Variants in CNGB3 observed in about 807,000 individuals in gnomAD.
The protein encoded by CNGB3 is cyclic nucleotide gated channel subunit beta 3.
A neutral mutation model predicts 92.8 loss-of-function variants in CNGB3; 86 were observed. The ratio of observed to expected loss-of-function variants is 0.93; its 90% CI spans 0.78 to 1.11. The LOEUF (loss-of-function observed/expected upper bound fraction) is 1.11, where lower values mean the gene tolerates loss of function less well. CNGB3 is among the 50% of genes least tolerant of loss of function. CNGB3 has a pLI of 0.00. For missense variants in CNGB3, 1,026 were observed against 956.8 expected (o/e 1.07, Z -0.95); for synonymous variants, 333 against 332.7 (o/e 1.00, Z -0.01).
Position 86,644,703 on chromosome 8 carries a change from A to G in CNGB3, c.991-17T>C. The G allele has an allele frequency of 6.7e-7, 1 of 1,482,150 alleles. No individual in the cohort carries two copies. Among genetic ancestry groups the G allele is most frequent in the Non-Finnish European group, 9.1e-7 (1 of 1,103,152 alleles). The allele number at this position is 1,482,150 out of a possible 1,614,324, so 91.8% of individuals were successfully genotyped here. On this transcript the variant is annotated splice_polypyrimidine_tract_variant and intron_variant, in intron 8 of 17. Transcript: ENST00000320005. Reference sequence around the variant, plus strand: ...TGAAGTGTACTATATAGAAAAGCAAAAGAAATCCAAAAGCATGTTAGTCTT... The same window carrying G: ...TGAAGTGTACTATATAGAAAAGCAAGAGAAATCCAAAAGCATGTTAGTCTT...
chr8:86,580,190 C>CGGGGGGGGG (rs71275867), intron 15 of CNGB3, among the ~76,000 whole-genome samples: 3 of 45,102 alleles, frequency 6.7e-5, no homozygotes, highest in African/African-American at 2.1e-4. Flanking sequence ...GAGAATAGCA[C>CGGGGGGGGG]GGGGGGGGTG....
intron 6 of CNGB3, among the ~76,000 whole-genome samples, chr8:86,664,774 A>G (rs940440382): frequency 1.1e-4 from 17 of 152,202 alleles, no homozygotes; most frequent in African/African-American, 3.9e-4. Flanking sequence ...TGCCATATTC[A>G]TTAAAAAACA....
chr8:86,740,691 T>C (rs1182574285), intron 1 of CNGB3, among the ~76,000 whole-genome samples: 1 of 152,184 alleles, frequency 6.6e-6, no homozygotes, highest in Non-Finnish European at 1.5e-5. Flanking sequence ...TTGTGTTTCA[T>C]AGAAGCATTT....
chr8:86,735,471 A>G (rs1456157726), intron 2 of CNGB3, among the ~76,000 whole-genome samples: 1 of 152,178 alleles, frequency 6.6e-6, no homozygotes, highest in Non-Finnish European at 1.5e-5. Context: ...AAAGCAACAC[A>G]GTCAGTTGTC....
intron 3 of CNGB3, among the ~76,000 whole-genome samples, chr8:86,695,088 A>T (rs1260889412): frequency 6.6e-6 from 1 of 152,204 alleles, no homozygotes; most frequent in Non-Finnish European, 1.5e-5. Flanking sequence ...CGCGGTAAGG[A>T]GCTGGAGACC....
chr8:86,611,649 TA>T lies in CNGB3; in HGVS notation c.1600del (p.Tyr534MetfsTer5). ...GGATTTCAATCTTAGCAACATGTCATAAATCATCTGTGTATCACAACCCTAT... is the reference window on the plus strand; with the variant it reads ...GGATTTCAATCTTAGCAACATGTCATAATCATCTGTGTATCACAACCCTAT... Reference protein sequence around the residue: ...LFKGCDTQMIYDMLLRLKSVL... With the variant: ...LFKGCDTQMIXDMLLRLKSVL... On this transcript the variant is annotated frameshift_variant, in exon 14 of 18. Coordinates refer to ENST00000320005, the MANE Select transcript of CNGB3 (RefSeq NM_019098.5). LOFTEE classifies it high-confidence loss of function. 1 of 1,613,118 alleles carries T rather than the reference TA, an allele frequency of 6.2e-7. No homozygotes were observed. The highest frequency in any genetic ancestry group is 8.5e-7 in the Non-Finnish European group (1 of 1,179,252).
chr8:86,589,814 T>A (rs983785515), intron 15 of CNGB3, among the ~76,000 whole-genome samples: 3 of 152,088 alleles, frequency 2.0e-5, no homozygotes, highest in African/African-American at 7.2e-5. Flanking sequence ...ATGTATATTC[T>A]GTTGATTTGG....
At position 86,739,743 on chromosome 8, in the gene CNGB3, G is replaced by GA. The variant is rs752460731; in HGVS notation, c.130-8dup. The GA allele has an allele frequency of 1.9e-6, 3 of 1,610,580 alleles. No homozygotes were observed. Among genetic ancestry groups the GA allele is most frequent in the African/African-American group, 1.3e-5 (1 of 74,468 alleles). ...CTTCACCTTTGTTTTCTTCCTTTGA[G>GA]AAAAAACATAGAGATTGTATGTGAT... On this transcript the variant is annotated splice_region_variant and splice_polypyrimidine_tract_variant and intron_variant, in intron 1 of 17. Coordinates refer to ENST00000320005, the MANE Select transcript of CNGB3 (RefSeq NM_019098.5).
At chr8:86,644,325 A>T (rs1435584811) in intron 9 of CNGB3, among the ~76,000 whole-genome samples, 1 of 151,436 alleles carries the variant, frequency 6.6e-6, no homozygotes, top group African/African-American at 2.4e-5. Flanking sequence ...AATTATCATG[A>T]GAAAGGTTTA....
At chr8:86,722,307 A>T (rs1196326533) in intron 3 of CNGB3, among the ~76,000 whole-genome samples, 1 of 152,196 alleles carries the variant, frequency 6.6e-6, no homozygotes, top group Non-Finnish European at 1.5e-5. Context: ...GGCTGGACTG[A>T]GATAAAGTGC....
intron 3 of CNGB3, among the ~76,000 whole-genome samples, chr8:86,719,496 CAAAACACTGTTGAAAG>C (rs1398175380): frequency 1.3e-5 from 2 of 152,088 alleles, no homozygotes; most frequent in Non-Finnish European, 1.5e-5. Context: ...AGGAAAACTA[CAAAACACTGTTGAAAG>C]AAATCACAAA....
intron 13 of CNGB3, among the ~76,000 whole-genome samples, chr8:86,616,459 T>C (rs1822625119): frequency 6.6e-6 from 1 of 152,158 alleles, no homozygotes; most frequent in African/African-American, 2.4e-5. Context: ...TTATTCTTTT[T>C]TTTCCTCCAG....
intron 17 of CNGB3, among the ~76,000 whole-genome samples, chr8:86,576,371 C>T (rs1221596943): frequency 6.6e-6 from 1 of 152,108 alleles, no homozygotes; most frequent in African/African-American, 2.4e-5. Flanking sequence ...TTTGTCTCTG[C>T]CAAGGAATTC....
At chr8:86,632,968 T>A in intron 10 of CNGB3, 75 bp from the exon 11 acceptor site, 3 of 1,324,970 alleles carry the variant, frequency 2.3e-6, no homozygotes, top group Non-Finnish European at 3.2e-6. Context: ...GAGAATATAG[T>A]ACTATTAAAT....
intron 7 of CNGB3, among the ~76,000 whole-genome samples, chr8:86,652,939 G>C (rs1240819863): frequency 6.6e-6 from 1 of 152,060 alleles, no homozygotes; most frequent in Non-Finnish European, 1.5e-5. Context: ...ATACATATTA[G>C]TATGTACTAT....
chr8:86,654,912 A>G (rs1480855820), intron 6 of CNGB3, among the ~76,000 whole-genome samples: 1 of 152,078 alleles, frequency 6.6e-6, no homozygotes, highest in African/African-American at 2.4e-5. Flanking sequence ...GGTTGATGCT[A>G]CCAAATCTCT....
intron 13 of CNGB3, among the ~76,000 whole-genome samples, chr8:86,618,089 C>G (rs548467701): frequency 6.6e-6 from 1 of 152,132 alleles, no homozygotes; most frequent in African/African-American, 2.4e-5. Flanking sequence ...CCTAGATCCC[C>G]GCATGCATAG....
rs182259019 is a variant in CNGB3 at position 86,577,491 on chromosome 8, A to G, written c.2103+1198T>C. Among the ~76,000 whole-genome samples the G allele has an allele frequency of 2.6e-3, 394 of 152,346 alleles. 10 individuals carry two copies. The South Asian group carries it at 0.029, about 11-fold the overall frequency. On this transcript the variant is annotated intron_variant, in intron 17 of 17. Transcript: ENST00000320005. ...TTTGTTCTATAAATTTTCCACAAACAGCAAGTTAGCAAGTACTGAACCATT... is the reference window on the plus strand; with the variant it reads ...TTTGTTCTATAAATTTTCCACAAACGGCAAGTTAGCAAGTACTGAACCATT...
At chr8:86,603,413 G>A (rs1022569510) in intron 15 of CNGB3, among the ~76,000 whole-genome samples, 75 of 152,122 alleles carry the variant, frequency 4.9e-4, no homozygotes, top group African/African-American at 1.6e-3. Flanking sequence ...CTCACAAAAT[G>A]CTTAAATTTG....
Sources: gnomAD v4.1 joint callset for allele counts (sites outside exome capture counted in the v4.1 genomes callset) on GRCh38, gnomAD v4.1.1 for gene constraint, MANE v1.5 for transcripts, NCBI Gene and HGNC (gene_info 2026-07-23, HGNC 2026-07-21) for gene names.